The following RAX variants were observed in gnomAD, a reference collection of about 807,000 sequenced individuals.
The protein encoded by RAX is retinal homeobox protein Rx.
A neutral mutation model predicts 17.4 loss-of-function variants in RAX; 11 were observed. The ratio of observed to expected loss-of-function variants is 0.63; its 90% CI spans 0.40 to 1.05. The LOEUF (loss-of-function observed/expected upper bound fraction) is 1.05, where lower values mean the gene tolerates loss of function less well. RAX is among the 50% of genes least tolerant of loss of function. The probability of loss-of-function intolerance (pLI) is 0.00; values close to 1 mark genes in which losing one functional copy is unlikely to be tolerated. For missense variants in RAX, 527 were observed against 501.1 expected, an observed-to-expected ratio of 1.05 and a Z score of -0.49; for synonymous variants, 276 against 254.7, an observed-to-expected ratio of 1.08 and a Z score of -0.80.
chr18:59,270,251 AT>A lies in RAX; in HGVS notation c.544-751del, dbSNP rs1603389016. Among the ~76,000 whole-genome samples, 3 of 152,304 alleles carry A rather than the reference AT, an allele frequency of 2.0e-5. No homozygotes were observed. The East Asian group carries it at 5.8e-4, about 29-fold the overall frequency. On this transcript the variant is annotated intron_variant, in intron 2 of 2. Coordinates refer to ENST00000334889, the MANE Select transcript of RAX (RefSeq NM_013435.3). ...GCTTTAATATTTTTATTTTTATTTAATTAATGTCTGCTTACTATTTCTGCTG... is the reference window on the plus strand; with the variant it reads ...GCTTTAATATTTTTATTTTTATTTAATAATGTCTGCTTACTATTTCTGCTG...
intron 1 of RAX, 111 bp from the exon 2 acceptor site, chr18:59,272,725 G>C (rs961969020): frequency 6.3e-6 from 9 of 1,433,826 alleles, no homozygotes; most frequent in African/African-American, 2.9e-5. Context: ...GAGATGGCCC[G>C]GGGAGGTCCG....
At position 59,268,847 on chromosome 18, in the gene RAX, C is replaced by G; in HGVS notation, c.*157G>C. The G allele has an allele frequency of 8.0e-7, 1 of 1,250,444 alleles. No individual in the cohort carries two copies. Among genetic ancestry groups the G allele is most frequent in the Non-Finnish European group, 1.1e-6 (1 of 905,692 alleles). 77.5% of individuals were successfully genotyped at this position (1,250,444 alleles called of 1,614,324 possible). On this transcript the variant is annotated 3_prime_UTR_variant, in exon 3 of 3. Transcript: ENST00000334889. The surrounding 1 kb of genome is among the most constrained non-coding windows in gnomAD (Gnocchi z 4.4). ...GAAAGTCGCCCTTCTCCCCGTGCAT[C>G]GGGAGCAGGCGCGTGGCCCTGAACT...
chr18:59,267,104 C>G lies in RAX; in HGVS notation c.*1900G>C, dbSNP rs2070284473. 1 of 152,238 alleles carries G rather than the reference C, an allele frequency of 6.6e-6. No homozygotes were observed. The highest frequency in any genetic ancestry group is 2.4e-5 in the African/African-American group (1 of 41,462). 9.4% of individuals were successfully genotyped at this position (152,238 alleles called of 1,614,324 possible). A position where few individuals can be genotyped will look rare whatever the true frequency, so the allele number is the denominator to read the frequency against. The stretch of plus-strand genomic sequence containing the variant: ...ACACGGGCTGCTCCATCCTCCTCCC[C>G]CAAGGAGACATCCTTGTGAGGAAAA... On this transcript the variant is annotated 3_prime_UTR_variant, in exon 3 of 3. Coordinates refer to ENST00000334889, the MANE Select transcript of RAX (RefSeq NM_013435.3).
chr18:59,270,843 A>T (rs1435750479), intron 2 of RAX, among the ~76,000 whole-genome samples: 1 of 152,216 alleles, frequency 6.6e-6, no homozygotes, highest in Admixed American at 6.5e-5. Flanking sequence ...TAAATATTAG[A>T]TACTTGCCAA....
chr18:59,273,244 G>T lies in RAX; in HGVS notation c.-38C>A, dbSNP rs1184170597. On this transcript the variant is annotated 5_prime_UTR_variant, in exon 1 of 3. Transcript: ENST00000334889. ...GAGGCGGGAGGGCGCTTTGGAGACG[G>T]AGAGGAGAGGCTCGAAGCCGGGTCT... 3.3e-6 allele frequency: 5 copies of T among 1,512,216 alleles called. No individual in the cohort carries two copies. The South Asian group carries it at 5.0e-5, about 15-fold the overall frequency. 93.7% of individuals were successfully genotyped at this position (1,512,216 alleles called of 1,614,324 possible).
In RAX at chr18:59,272,536, T is replaced by A. The variant is rs1343571278; in HGVS notation, c.368A>T (p.Glu123Val). The A allele has an allele frequency of 3.1e-6, 5 of 1,614,214 alleles. No homozygotes were observed. The highest frequency in any genetic ancestry group is 2.2e-5 in the East Asian group (1 of 44,870). The change falls in exon 2 of 3, where the codon GAA (glutamate) becomes GTA (valine). Residue 123 changes from glutamate (E) to valine (V), a missense_variant. Physicochemically the swap from Glu to Val is moderately radical, Grantham distance 121. Transcript: ENST00000334889. Reference protein sequence around the residue: ...PGLPVGPATGEAKLSEEEQPK... With the variant: ...PGLPVGPATGVAKLSEEEQPK... ...CTGTTCCTCCTCTGACAGTTTCGCT[T>A]CGCCGGTGGCTGGCCCGACGGGCAG...
intron 2 of RAX, among the ~76,000 whole-genome samples, chr18:59,269,735 TC>T (rs1287043736): frequency 2.7e-4 from 21 of 77,552 alleles, no homozygotes; most frequent in East Asian, 1.2e-3. Context: ...TCTCTCTCTC[TC>T]TCTTTTTTTT....
Position 59,272,929 on chromosome 18 carries a change from G to C in RAX, c.278C>G (p.Pro93Arg), listed in dbSNP as rs749422125. ...GGGTGCGCACTCACCTTCGTACTCG[G>C]GGGCGGGCGCCGGGGCTGGCGGCGG... The part of the protein sequence containing the change: ...PSPPPAPAPA[P>R]EYEAPRPYCP... Residue 93 changes from proline to arginine, a missense_variant, in exon 1 of 3, where the codon CCC (proline) becomes CGC (arginine). By Grantham distance (103) the Pro-to-Arg change is moderately radical. Coordinates refer to ENST00000334889, the MANE Select transcript of RAX (RefSeq NM_013435.3). The C allele has an allele frequency of 6.8e-7, 1 of 1,471,396 alleles. No individual in the cohort carries two copies. Among genetic ancestry groups the C allele is most frequent in the Non-Finnish European group, 8.9e-7 (1 of 1,129,562 alleles). The allele number at this position is 1,471,396 out of a possible 1,614,324, so 91.1% of individuals were successfully genotyped here. A position where few individuals can be genotyped will look rare whatever the true frequency, so the allele number is the denominator to read the frequency against.
At position 59,273,356 on chromosome 18, in the gene RAX, G is replaced by C. The variant is rs2070358345; in HGVS notation, c.-150C>G. On this transcript the variant is annotated 5_prime_UTR_variant, in exon 1 of 3. Transcript: ENST00000334889. ...CCCGCCCGGGCTGCGCACGCTGGGG[G>C]TGGCCGAGCGCTCAGCCCGCTGCCG... 1.2e-6 allele frequency: 1 copy of C among 838,100 alleles called. No individual in the cohort carries two copies. Among genetic ancestry groups the C allele is most frequent in the Non-Finnish European group, 1.7e-6 (1 of 574,168 alleles). 51.9% of individuals were successfully genotyped at this position (838,100 alleles called of 1,614,324 possible).
chr18:59,269,584 G>C (rs2070317764), intron 2 of RAX, 83 bp from the exon 3 acceptor site: 3 of 1,490,718 alleles, frequency 2.0e-6, no homozygotes, highest in Non-Finnish European at 2.7e-6. Flanking sequence ...CAGCTCGGCG[G>C]GCTCCACTCC....
intron 2 of RAX, 140 bp from the exon 3 acceptor site, chr18:59,269,641 A>G: frequency 1.1e-6 from 1 of 906,000 alleles, no homozygotes; most frequent in Non-Finnish European, 1.6e-6. Flanking sequence ...GCATGTGCCG[A>G]GAGAGGCCCG....
intron 2 of RAX, 94 bp from the exon 3 acceptor site, chr18:59,269,595 G>A: frequency 2.8e-6 from 4 of 1,405,842 alleles, no homozygotes; most frequent in East Asian, 2.6e-5. Context: ...GCTCCACTCC[G>A]TCCCCCTCAA....
At chr18:59,271,784 G>C (rs1208350508) in intron 2 of RAX, among the ~76,000 whole-genome samples, 2 of 152,190 alleles carry the variant, frequency 1.3e-5, no homozygotes, top group Non-Finnish European at 2.9e-5. Context: ...AGATAATTCA[G>C]CTTTAATTAA....
chr18:59,269,652 G>C, intron 2 of RAX, 151 bp from the exon 3 acceptor site: 1 of 809,812 alleles, frequency 1.2e-6, no homozygotes, highest in Middle Eastern at 3.6e-4. Flanking sequence ...GAGAGGCCCG[G>C]ATCTTCCTTC....
rs1178554145 is a variant in RAX at position 59,268,974 on chromosome 18, G to A, written c.*30C>T. ...TGCGGGTACGGTGCGGTCGGCCCGG[G>A]GTCGGATCCCAAGACGTTCCCCAGT... On this transcript the variant is annotated 3_prime_UTR_variant, in exon 3 of 3. Coordinates refer to ENST00000334889, the MANE Select transcript of RAX (RefSeq NM_013435.3). This position sits in a 1 kb window ranked among gnomAD's most constrained non-coding sequence, Gnocchi z 4.4. 6 of 1,612,732 alleles carry A rather than the reference G, an allele frequency of 3.7e-6. No homozygotes were observed. Among genetic ancestry groups the A allele is most frequent in the Non-Finnish European group, 4.2e-6 (5 of 1,179,844 alleles).
rs543386393 is a variant in RAX at position 59,267,631 on chromosome 18, G to GCC, written c.*1371_*1372dup. 3.0e-4 allele frequency: 27 copies of GCC among 88,710 alleles called. No homozygotes were observed. The highest frequency in any genetic ancestry group is 8.5e-4 in the South Asian group (2 of 2,356). The allele number at this position is 88,710 out of a possible 1,614,324, so 5.5% of individuals were successfully genotyped here. A position where few individuals can be genotyped will look rare whatever the true frequency, so the allele number is the denominator to read the frequency against. On this transcript the variant is annotated 3_prime_UTR_variant, in exon 3 of 3. Coordinates refer to ENST00000334889, the MANE Select transcript of RAX (RefSeq NM_013435.3). ...TAGGGACGGGGGTTGTGGGGTGGACGCCCCCCCCCCCCCCGTGCCAGGACC... is the reference window on the plus strand; with the variant it reads ...TAGGGACGGGGGTTGTGGGGTGGACGCCCCCCCCCCCCCCCCGTGCCAGGACC...
In RAX at chr18:59,268,374, GA is replaced by G. The variant is rs2144149627; in HGVS notation, c.*629del. On this transcript the variant is annotated 3_prime_UTR_variant, in exon 3 of 3. Transcript: ENST00000334889. This position sits in a 1 kb window ranked among gnomAD's most constrained non-coding sequence, Gnocchi z 4.4. ...AATGGGGACGATTCTCTGCTGCAGC[GA>G]AGTGTCCCTAGAATTTTCACAAGGA... The G allele has an allele frequency of 6.6e-6, 1 of 152,624 alleles. No individual in the cohort carries two copies. Among genetic ancestry groups the G allele is most frequent in the South Asian group, 2.1e-4 (1 of 4,830 alleles). The allele number at this position is 152,624 out of a possible 1,614,324, so 9.5% of individuals were successfully genotyped here. A position where few individuals can be genotyped will look rare whatever the true frequency, so the allele number is the denominator to read the frequency against.
In RAX at chr18:59,273,125, T is replaced by C; in HGVS notation, c.82A>G (p.Ser28Gly). 7 of 1,534,910 alleles carry C rather than the reference T, an allele frequency of 4.6e-6. No individual in the cohort carries two copies. Among genetic ancestry groups the C allele is most frequent in the Non-Finnish European group, 5.2e-6 (6 of 1,146,324 alleles). ...TCGATGCTGTGAAGTCGCGAGGTGC[T>C]CCCGCCCGGGCTGCGGAGCAGGTGG... Reference protein sequence around the residue: ...AGHLLRSPGGSTSRLHSIEAI... With the variant: ...AGHLLRSPGGGTSRLHSIEAI... The change falls in exon 1 of 3, where the codon AGC becomes GGC. Residue 28 changes from serine (S) to glycine (G), a missense_variant. Physicochemically the swap from Ser to Gly is moderately conservative, Grantham distance 56. Transcript: ENST00000334889.
At chr18:59,272,155 C>A (rs1014197206) in intron 2 of RAX, among the ~76,000 whole-genome samples, 2 of 152,248 alleles carry the variant, frequency 1.3e-5, no homozygotes, top group Non-Finnish European at 2.9e-5. Context: ...CAAAGGGGAG[C>A]TCGTACTACA....
Sources: allele counts gnomAD v4.1 joint callset (sites outside exome capture counted in the v4.1 genomes callset), GRCh38; gene constraint gnomAD v4.1.1; non-coding constraint Gnocchi (gnomAD v3.1); transcripts MANE v1.5; gene names NCBI Gene and HGNC (gene_info 2026-07-23, HGNC 2026-07-21).